Variants in SLX4IP observed in about 807,000 individuals in gnomAD.
SLX4IP encodes the protein SLX4 interacting protein.
SLX4IP carries 34 observed loss-of-function variants against 32.9 expected under a neutral mutation model. The ratio of observed to expected loss-of-function variants is 1.03; its 90% CI spans 0.79 to 1.38. The LOEUF is 1.38. Among genes scored for constraint, SLX4IP ranks in the 40% most tolerant of loss-of-function variants. The pLI is 0.00. For synonymous variants in SLX4IP, 172 were observed against 171.7 expected (o/e 1.00, Z -0.01); for missense variants, 444 against 479.0 (o/e 0.93, Z 0.68).
chr20:10,456,244 C>T (rs1351578873), intron 1 of SLX4IP, among the ~76,000 whole-genome samples: 1 of 152,166 alleles, frequency 6.6e-6, no homozygotes, highest in African/African-American at 2.4e-5. Context: ...ACATCTGAAG[C>T]ACTTCTGGTC....
chr20:10,579,239 A>G (rs73243751), intron 4 of SLX4IP, among the ~76,000 whole-genome samples: 2,247 of 152,254 alleles, frequency 0.015, 49 homozygotes, highest in African/African-American at 0.05. Flanking sequence ...AATTTCATAT[A>G]TGACATGAGT....
At chr20:10,571,359 G>A (rs1240847698) in intron 4 of SLX4IP, among the ~76,000 whole-genome samples, 2 of 152,166 alleles carry the variant, frequency 1.3e-5, no homozygotes, top group South Asian at 2.1e-4. Flanking sequence ...ATTATTCCCA[G>A]ATGGCCTTGG....
intron 6 of SLX4IP, among the ~76,000 whole-genome samples, chr20:10,609,854 T>G (rs1247525424): frequency 6.6e-6 from 1 of 152,118 alleles, no homozygotes; most frequent in Non-Finnish European, 1.5e-5. Flanking sequence ...CCTAGTATGT[T>G]TTCTCTATTT....
intron 2 of SLX4IP, among the ~76,000 whole-genome samples, chr20:10,522,709 A>G (rs1161610441): frequency 6.6e-6 from 1 of 152,184 alleles, no homozygotes; most frequent in Non-Finnish European, 1.5e-5. Flanking sequence ...GCTGGCTGCT[A>G]CTGGTCCTGT....
At chr20:10,583,164 C>T (rs922334834) in intron 4 of SLX4IP, among the ~76,000 whole-genome samples, 4 of 152,112 alleles carry the variant, frequency 2.6e-5, no homozygotes, top group African/African-American at 9.7e-5. Flanking sequence ...GCTCCCCCAA[C>T]TATTTTAAAG....
intron 4 of SLX4IP, among the ~76,000 whole-genome samples, chr20:10,590,170 A>G (rs1050845021): frequency 6.6e-6 from 1 of 152,112 alleles, no homozygotes; most frequent in Non-Finnish European, 1.5e-5. Flanking sequence ...AGTTGAGAAC[A>G]TGGTATATTA....
chr20:10,557,963 A>G (rs938086697), intron 3 of SLX4IP, among the ~76,000 whole-genome samples: 1 of 152,182 alleles, frequency 6.6e-6, no homozygotes, highest in Non-Finnish European at 1.5e-5. Flanking sequence ...GGCAGCTGCA[A>G]GGGGCAGGTC....
rs562756998 is a variant in SLX4IP at position 10,487,625 on chromosome 20, G to A, written c.27+29394G>A. Among the ~76,000 whole-genome samples, 5 of 152,268 alleles carry A rather than the reference G, an allele frequency of 3.3e-5. No homozygotes were observed. In the South Asian group the frequency reaches 1.0e-3, roughly 32 times the overall value. On this transcript the variant is annotated intron_variant, in intron 2 of 7. Transcript: ENST00000334534. ...GTCAGCCACTTGATATGTAACTTGGGCAGCAGAAGGAGACTGAGACCTGTT... is the reference window on the plus strand; with the variant it reads ...GTCAGCCACTTGATATGTAACTTGGACAGCAGAAGGAGACTGAGACCTGTT...
intron 2 of SLX4IP, among the ~76,000 whole-genome samples, chr20:10,488,532 A>G (rs537920762): frequency 8.5e-5 from 13 of 152,248 alleles, no homozygotes; most frequent in African/African-American, 2.9e-4. Flanking sequence ...ACTTTATATC[A>G]TAGCCTCAGG....
At chr20:10,436,513 C>T (rs1180267065) in intron 1 of SLX4IP, among the ~76,000 whole-genome samples, 1 of 152,096 alleles carries the variant, frequency 6.6e-6, no homozygotes, top group African/African-American at 2.4e-5. Context: ...CGCGCCACCA[C>T]CCCCGGCTAA....
At chr20:10,528,693 T>C (rs2065959834) in intron 2 of SLX4IP, among the ~76,000 whole-genome samples, 1 of 152,228 alleles carries the variant, frequency 6.6e-6, no homozygotes, top group African/African-American at 2.4e-5. Flanking sequence ...CCTAGACTTG[T>C]CAGCCCCAGC....
chr20:10,615,456 T>G (rs143960698), intron 6 of SLX4IP, among the ~76,000 whole-genome samples: 19 of 152,254 alleles, frequency 1.2e-4, no homozygotes, highest in African/African-American at 4.6e-4. Flanking sequence ...CTCCTCATCT[T>G]CTCAACTTCT....
In SLX4IP at chr20:10,522,484, C is replaced by A. The variant is rs76203575; in HGVS notation, c.28-33747C>A. On this transcript the variant is annotated intron_variant, in intron 2 of 7. Transcript: ENST00000334534. ...ACCCTTTTTCCTTCCTGCCAAGCAG[C>A]CCAGCAGGGAGCAAAGAGAAGCATT... is the stretch of plus-strand genomic sequence containing the variant. Among the ~76,000 whole-genome samples the A allele has an allele frequency of 4.8e-3, 728 of 152,232 alleles. 1 individual carries two copies. Among genetic ancestry groups the A allele is most frequent in the African/African-American group, 0.017 (705 of 41,534 alleles).
chr20:10,590,636 C>T (rs1186557686), intron 4 of SLX4IP, among the ~76,000 whole-genome samples: 3 of 152,154 alleles, frequency 2.0e-5, no homozygotes, highest in Non-Finnish European at 4.4e-5. Context: ...GCTAGAATTA[C>T]AGGCATGAGC....
chr20:10,457,472 C>T (rs1385856757), intron 1 of SLX4IP, among the ~76,000 whole-genome samples: 1 of 144,562 alleles, frequency 6.9e-6, no homozygotes, highest in African/African-American at 2.5e-5. Flanking sequence ...TGATTATGTG[C>T]ATTTTTTCTG....
At chr20:10,472,234 C>CTT (rs5840380) in intron 2 of SLX4IP, among the ~76,000 whole-genome samples, 134 of 142,410 alleles carry the variant, frequency 9.4e-4, no homozygotes, top group Middle Eastern at 3.6e-3. Flanking sequence ...TAATACTATA[C>CTT]TTTTTTTTTT....
intron 4 of SLX4IP, among the ~76,000 whole-genome samples, chr20:10,562,506 T>G (rs181957861): frequency 6.8e-4 from 104 of 152,122 alleles, no homozygotes; most frequent in African/African-American, 2.4e-3. Flanking sequence ...CCTGTGTGTG[T>G]GCCCGCTAGG....
chr20:10,622,907 G>A lies in SLX4IP; in HGVS notation c.755G>A (p.Ser252Asn). Residue 252 changes from serine to asparagine, a missense_variant, in exon 8 of 8, where the codon AGT (serine) becomes AAT (asparagine). Physicochemically the swap from Ser to Asn is conservative, Grantham distance 46. Transcript: ENST00000334534. Reference protein sequence around the residue: ...KVNQTQPEDTSGQQKPHPGER... With the variant: ...KVNQTQPEDTNGQQKPHPGER... ...AATCAGACCCAGCCAGAAGACACTA[G>A]TGGCCAGCAAAAACCTCATCCTGGG... 1 of 1,614,118 alleles carries A rather than the reference G, an allele frequency of 6.2e-7. No homozygotes were observed. The highest frequency in any genetic ancestry group is 8.5e-7 in the Non-Finnish European group (1 of 1,180,040).
At chr20:10,465,802 G>A (rs1010269718) in intron 2 of SLX4IP, among the ~76,000 whole-genome samples, 1 of 152,190 alleles carries the variant, frequency 6.6e-6, no homozygotes, top group African/African-American at 2.4e-5. Flanking sequence ...CACTGTGCCC[G>A]GCCTACAAAT....
Sources: allele counts gnomAD v4.1 joint callset (sites outside exome capture counted in the v4.1 genomes callset), GRCh38; gene constraint gnomAD v4.1.1; transcripts MANE v1.5; gene names NCBI Gene and HGNC (gene_info 2026-07-23, HGNC 2026-07-21).